Variants in KCNH1 observed in about 807,000 individuals in gnomAD.
The protein encoded by KCNH1 is potassium voltage-gated channel subfamily H member 1.
A neutral mutation model predicts 69.2 loss-of-function variants in KCNH1; 27 were observed. That is an observed-to-expected ratio of 0.39 (90% confidence interval 0.29 to 0.54). The LOEUF is 0.54. KCNH1 is among the 20% of genes least tolerant of loss of function. KCNH1 has a pLI of 0.68. For synonymous variants in KCNH1, 456 were observed against 487.7 expected (o/e 0.93, Z 0.86); for missense variants, 798 against 1,261.6 (o/e 0.63, Z 5.57).
Position 210,983,102 on chromosome 1 carries a change from C to T in KCNH1, c.1032+35681G>A, listed in dbSNP as rs184889295. ...AGTGTCTGTTCATATCCTTCACCCA[C>T]TTTTTGATGGGGTTGTTTGTTTTTT... is the stretch of plus-strand genomic sequence containing the variant. On this transcript the variant is annotated intron_variant, in intron 6 of 10. Transcript: ENST00000271751. Among the ~76,000 whole-genome samples the T allele has an allele frequency of 8.5e-3, 1,220 of 142,822 alleles. 10 individuals carry two copies. The highest frequency in any genetic ancestry group is 0.035 in the Middle Eastern group (10 of 282). 93.7% of individuals were successfully genotyped at this position (142,822 alleles called of 152,430 possible). A position where few individuals can be genotyped will look rare whatever the true frequency, so the allele number is the denominator to read the frequency against.
At chr1:210,741,515 G>A (rs1026620110) in intron 10 of KCNH1, among the ~76,000 whole-genome samples, 24 of 152,142 alleles carry the variant, frequency 1.6e-4, no homozygotes, top group African/African-American at 4.6e-4. Context: ...CCAAGCAGAC[G>A]TGAAAACTGA....
At chr1:211,102,841 A>C (rs1189762139) in intron 3 of KCNH1, among the ~76,000 whole-genome samples, 2 of 152,224 alleles carry the variant, frequency 1.3e-5, no homozygotes, top group African/African-American at 4.8e-5. Context: ...AAAAAACAGA[A>C]ACAAACCACT....
intron 9 of KCNH1, among the ~76,000 whole-genome samples, chr1:210,786,366 G>C (rs932899367): frequency 6.6e-6 from 1 of 152,068 alleles, no homozygotes; most frequent in Admixed American, 6.5e-5. Context: ...CCATGACATT[G>C]TCTATTTCGT....
At chr1:210,834,052 T>C (rs1574284593) in intron 7 of KCNH1, among the ~76,000 whole-genome samples, 1 of 152,170 alleles carries the variant, frequency 6.6e-6, no homozygotes, top group East Asian at 1.9e-4. Flanking sequence ...CTGGACAGGA[T>C]GTGGAGAAAT....
At chr1:210,788,588 C>T (rs989397831) in intron 9 of KCNH1, among the ~76,000 whole-genome samples, 2 of 151,766 alleles carry the variant, frequency 1.3e-5, no homozygotes, top group Non-Finnish European at 2.9e-5. Context: ...AACTGGTCTC[C>T]GCCTCCACCC....
rs913384870 is a variant in KCNH1 at position 210,679,657 on chromosome 1, G to A, written c.*3624C>T. 2.0e-5 allele frequency: 3 copies of A among 152,174 alleles called. No homozygotes were observed. The highest frequency in any genetic ancestry group is 7.2e-5 in the African/African-American group (3 of 41,426). 9.4% of individuals were successfully genotyped at this position (152,174 alleles called of 1,614,324 possible). A position where few individuals can be genotyped will look rare whatever the true frequency, so the allele number is the denominator to read the frequency against. On this transcript the variant is annotated 3_prime_UTR_variant, in exon 11 of 11. Transcript: ENST00000271751. ...TTTGGAGAGGAAGCTTGCTGAATGG[G>A]ATGGGGTGGTATAGTACATTTTTAC...
intron 6 of KCNH1, among the ~76,000 whole-genome samples, chr1:210,930,193 T>G (rs1687654370): frequency 6.6e-6 from 1 of 152,034 alleles, no homozygotes; most frequent in Non-Finnish European, 1.5e-5. Context: ...CTAAAATTCT[T>G]ATGGAATCAA....
intron 6 of KCNH1, among the ~76,000 whole-genome samples, chr1:210,993,262 T>C (rs1486407909): frequency 6.6e-6 from 1 of 152,226 alleles, no homozygotes; most frequent in East Asian, 1.9e-4. Flanking sequence ...CAAGGGACTT[T>C]TCCTGACCAT....
chr1:210,913,013 G>A (rs1003473228), intron 7 of KCNH1, among the ~76,000 whole-genome samples: 1 of 152,234 alleles, frequency 6.6e-6, no homozygotes, highest in Admixed American at 6.5e-5. Context: ...ATCAGCCTAA[G>A]GGCATGAAGT....
intron 10 of KCNH1, among the ~76,000 whole-genome samples, chr1:210,745,764 T>C (rs1683136022): frequency 6.6e-6 from 1 of 152,082 alleles, no homozygotes; most frequent in Admixed American, 6.5e-5. Context: ...AGCTGTCAGT[T>C]CTAGAAGGCT....
rs1261036255 is a variant in KCNH1 at position 210,922,807 on chromosome 1, G to T, written c.1033-2738C>A. Reference sequence around the variant, plus strand: ...GTGGAATTAAAAGTACCCATAGCCTGCATGGAGGAGATATTTTGGGAGGCA... The same window carrying T: ...GTGGAATTAAAAGTACCCATAGCCTTCATGGAGGAGATATTTTGGGAGGCA... On this transcript the variant is annotated intron_variant, in intron 6 of 10. Coordinates refer to ENST00000271751, the MANE Select transcript of KCNH1 (RefSeq NM_172362.3). Among the ~76,000 whole-genome samples, 6 of 152,318 alleles carry T rather than the reference G, an allele frequency of 3.9e-5. No individual in the cohort carries two copies. The South Asian group carries it at 1.0e-3, about 26-fold the overall frequency.
intron 1 of KCNH1, among the ~76,000 whole-genome samples, chr1:211,110,436 GAAC>G (rs1175180528): frequency 1.3e-5 from 2 of 151,990 alleles, no homozygotes; most frequent in East Asian, 1.9e-4. Flanking sequence ...TGATCATTTA[GAAC>G]AACATTATCA....
intron 5 of KCNH1, among the ~76,000 whole-genome samples, chr1:211,070,981 C>A (rs1392322144): frequency 1.3e-5 from 2 of 152,106 alleles, no homozygotes; most frequent in Non-Finnish European, 2.9e-5. Flanking sequence ...TACTAATAGC[C>A]TACTACTGAC....
At chr1:210,838,846 T>C (rs1369383296) in intron 7 of KCNH1, among the ~76,000 whole-genome samples, 1 of 151,848 alleles carries the variant, frequency 6.6e-6, no homozygotes, top group Non-Finnish European at 1.5e-5. Context: ...GAAATGCAAA[T>C]CAAAACCACA....
chr1:210,827,285 G>A (rs567505966), intron 7 of KCNH1, among the ~76,000 whole-genome samples: 6 of 151,850 alleles, frequency 4.0e-5, no homozygotes, highest in East Asian at 1.9e-4. Flanking sequence ...GCAGTGAGCC[G>A]AGATTGCGCC....
chr1:211,023,738 G>A (rs545943147), intron 5 of KCNH1, among the ~76,000 whole-genome samples: 1 of 152,106 alleles, frequency 6.6e-6, no homozygotes, highest in African/African-American at 2.4e-5. Context: ...AAGTATTTAA[G>A]GTGATGGATA....
At chr1:210,758,366 G>T (rs147206856) in intron 10 of KCNH1, among the ~76,000 whole-genome samples, 5 of 152,340 alleles carry the variant, frequency 3.3e-5, no homozygotes, top group African/African-American at 9.6e-5. Context: ...GGACAGGAAA[G>T]GAGAGTAGCT....
chr1:210,861,351 G>A (rs1685974442), intron 7 of KCNH1: 3 of 783,292 alleles, frequency 3.8e-6, no homozygotes, highest in Non-Finnish European at 7.1e-6. Flanking sequence ...TCGTTGTACT[G>A]TTATAACACT....
In KCNH1 at chr1:211,133,173, A is replaced by T. The variant is rs1414816066; in HGVS notation, c.79+694T>A. On this transcript the variant is annotated intron_variant, in intron 1 of 10. Transcript: ENST00000271751. This position sits in a 1 kb window ranked among gnomAD's most constrained non-coding sequence, Gnocchi z 5.4. Reference sequence around the variant, plus strand: ...GTTGTGGGTTTGGAAGAGGGGAAATATAACAGGTTTGTACCTGTGACCATT... The same window carrying T: ...GTTGTGGGTTTGGAAGAGGGGAAATTTAACAGGTTTGTACCTGTGACCATT... 6.6e-6 allele frequency: 1 copy of T among 152,278 alleles called. No individual in the cohort carries two copies. The highest frequency in any genetic ancestry group is 1.5e-5 in the Non-Finnish European group (1 of 68,102). 9.4% of individuals were successfully genotyped at this position (152,278 alleles called of 1,614,324 possible).
Sources: allele counts gnomAD v4.1 joint callset (sites outside exome capture counted in the v4.1 genomes callset), GRCh38; gene constraint gnomAD v4.1.1; non-coding constraint Gnocchi (gnomAD v3.1); transcripts MANE v1.5; gene names NCBI Gene and HGNC (gene_info 2026-07-23, HGNC 2026-07-21).